FARS2: variants seen among roughly 807,000 people sequenced by gnomAD.
The protein encoded by FARS2 is phenylalanyl-tRNA synthetase 2, mitochondrial, also known as phenylalanine--tRNA ligase, mitochondrial.
In FARS2, 40 loss-of-function variants were observed where a neutral mutation model predicts 46.4. The observed-to-expected ratio is 0.86, with a 90% confidence interval of 0.67 to 1.12. The LOEUF (loss-of-function observed/expected upper bound fraction) is 1.12, where lower values mean the gene tolerates loss of function less well. FARS2 is among the 50% of genes most tolerant of loss of function. The pLI, the probability that FARS2 is intolerant of heterozygous loss-of-function variation, is 0.00. For missense variants in FARS2, 513 were observed against 567.9 expected (o/e 0.90, Z 0.98); for synonymous variants, 234 against 214.9 (o/e 1.09, Z -0.78).
rs1253564748 is a variant in FARS2, at chr6:5,399,777, T to A, written c.613-4765T>A. ...TTTATTTATCAGGATGTCTTGAAAATCATTCCATATCAGTCCAGAGAGATC... is the reference window on the plus strand; with the variant it reads ...TTTATTTATCAGGATGTCTTGAAAAACATTCCATATCAGTCCAGAGAGATC... On this transcript the variant is annotated intron_variant, in intron 2 of 6. Transcript: ENST00000274680. 3.3e-5 allele frequency among the ~76,000 whole-genome samples: 5 copies of A among 152,182 alleles called. No individual in the cohort carries two copies. The South Asian group carries it at 8.3e-4, about 25-fold the overall frequency.
chr6:5,297,505 G>A (rs575503972), intron 1 of FARS2, among the ~76,000 whole-genome samples: 5 of 152,146 alleles, frequency 3.3e-5, no homozygotes, highest in Middle Eastern at 3.4e-3. Flanking sequence ...AAAATTAGCC[G>A]GCTGTGGTGG....
At chr6:5,539,504 T>G (rs1770477735) in intron 4 of FARS2, among the ~76,000 whole-genome samples, 1 of 151,486 alleles carries the variant, frequency 6.6e-6, no homozygotes, top group South Asian at 2.1e-4. Context: ...AGTGCTAGGA[T>G]TACAGGTGTG....
rs1778488410 is a variant in FARS2 at position 5,671,941 on chromosome 6, T to C, written c.1217+58621T>C. The stretch of plus-strand genomic sequence containing the variant: ...GCCAGGAGAGGAAACACAATTCCGA[T>C]CATCGTGAGGAACGTGCATTTGCGG... On this transcript the variant is annotated intron_variant, in intron 6 of 6. Coordinates refer to ENST00000274680, the MANE Select transcript of FARS2 (RefSeq NM_006567.5). 2.0e-5 allele frequency among the ~76,000 whole-genome samples: 3 copies of C among 152,174 alleles called. No homozygotes were observed. In the South Asian group the frequency reaches 6.2e-4, roughly 32 times the overall value.
chr6:5,597,049 G>C (rs1352662692), intron 5 of FARS2, among the ~76,000 whole-genome samples: 1 of 152,216 alleles, frequency 6.6e-6, no homozygotes, highest in Non-Finnish European at 1.5e-5. Flanking sequence ...GATGCAGAAA[G>C]CTGGCAGTTT....
intron 3 of FARS2, among the ~76,000 whole-genome samples, chr6:5,414,561 C>G (rs1460573799): frequency 6.6e-6 from 1 of 152,130 alleles, no homozygotes; most frequent in East Asian, 1.9e-4. Context: ...TTTTGAGATT[C>G]ATGCATTTTG....
intron 2 of FARS2, among the ~76,000 whole-genome samples, chr6:5,385,659 C>T (rs968955667): frequency 6.6e-6 from 1 of 152,060 alleles, no homozygotes; most frequent in African/African-American, 2.4e-5. Context: ...CTCTTGACCT[C>T]GTGGTCTGTC....
intron 1 of FARS2, among the ~76,000 whole-genome samples, chr6:5,341,233 A>ATTTTTTTTTTT (rs1561970169): frequency 1.5e-4 from 1 of 6,708 alleles, no homozygotes; most frequent in African/African-American, 3.5e-4. Context: ...ATATATATAT[A>ATTTTTTTTTTT]TATTTTTTTT....
At chr6:5,749,373 A>T (rs1465120419) in intron 6 of FARS2, among the ~76,000 whole-genome samples, 1 of 152,140 alleles carries the variant, frequency 6.6e-6, no homozygotes, top group African/African-American at 2.4e-5. Flanking sequence ...TGTGGTGGGG[A>T]TTGGAAGAAG....
intron 4 of FARS2, among the ~76,000 whole-genome samples, chr6:5,539,929 C>T (rs1770515138): frequency 6.6e-6 from 1 of 152,170 alleles, no homozygotes; most frequent in Non-Finnish European, 1.5e-5. Flanking sequence ...CACCCTGCTC[C>T]ATTCAGAAGA....
intron 5 of FARS2, among the ~76,000 whole-genome samples, chr6:5,606,184 G>C (rs1546856): frequency 0.29 from 42,916 of 150,538 alleles, 6,591 homozygotes; most frequent in African/African-American, 0.39. Context: ...TGAGAGCGCT[G>C]TCAGAGTACT....
chr6:5,344,352 G>A (rs1412150968), intron 1 of FARS2, among the ~76,000 whole-genome samples: 1 of 152,206 alleles, frequency 6.6e-6, no homozygotes, highest in Non-Finnish European at 1.5e-5. Context: ...CCTGAAGGAA[G>A]GCCCTGACGT....
At chr6:5,706,490 ACTT>A (rs1325521544) in intron 6 of FARS2, among the ~76,000 whole-genome samples, 1 of 152,062 alleles carries the variant, frequency 6.6e-6, no homozygotes, top group Non-Finnish European at 1.5e-5. Flanking sequence ...AGCATTGCTG[ACTT>A]CTTATGGACT....
At chr6:5,741,967 T>C (rs1479873804) in intron 6 of FARS2, among the ~76,000 whole-genome samples, 1 of 152,208 alleles carries the variant, frequency 6.6e-6, no homozygotes, top group Non-Finnish European at 1.5e-5. Context: ...TTCTCTTTAG[T>C]TATCAGGGCC....
intron 6 of FARS2, among the ~76,000 whole-genome samples, chr6:5,632,400 T>A (rs1188176049): frequency 3.3e-5 from 5 of 152,172 alleles, no homozygotes; most frequent in South Asian, 4.1e-4. Flanking sequence ...TCTTTTTTTT[T>A]AAATGAGATG....
chr6:5,749,392 C>T lies in FARS2; in HGVS notation c.1218-21899C>T, dbSNP rs1329908523. Among the ~76,000 whole-genome samples the T allele has an allele frequency of 2.0e-5, 3 of 152,220 alleles. No individual in the cohort carries two copies. The East Asian group carries it at 5.8e-4, about 29-fold the overall frequency. On this transcript the variant is annotated intron_variant, in intron 6 of 6. Coordinates refer to ENST00000274680, the MANE Select transcript of FARS2 (RefSeq NM_006567.5). ...GTGGGGATTGGAAGAAGGCTGCAGT[C>T]AGGGTGGGGAGGACCAGAAACAGAG...
chr6:5,593,400 G>A (rs1359540794), intron 5 of FARS2, among the ~76,000 whole-genome samples: 1 of 152,106 alleles, frequency 6.6e-6, no homozygotes, highest in Non-Finnish European at 1.5e-5. Flanking sequence ...ACCTGTAAGA[G>A]AAGGTGCAGC....
At chr6:5,676,386 T>G (rs938879011) in intron 6 of FARS2, among the ~76,000 whole-genome samples, 1 of 152,226 alleles carries the variant, frequency 6.6e-6, no homozygotes, top group African/African-American at 2.4e-5. Context: ...TGGATACATA[T>G]TTGCAAATTT....
At chr6:5,603,080 AG>A (rs779597663) in intron 5 of FARS2, among the ~76,000 whole-genome samples, 6 of 152,082 alleles carry the variant, frequency 3.9e-5, no homozygotes, top group Non-Finnish European at 7.4e-5. Flanking sequence ...TAAAGATACA[AG>A]GGGCCACTCT....
chr6:5,741,498 G>T (rs9504503), intron 6 of FARS2, among the ~76,000 whole-genome samples: 51,118 of 152,060 alleles, frequency 0.34, 13,367 homozygotes, highest in African/African-American at 0.72. Context: ...ATGGTTCAGC[G>T]GGTGTTACCA....
Sources: allele counts gnomAD v4.1 joint callset (sites outside exome capture counted in the v4.1 genomes callset), GRCh38; gene constraint gnomAD v4.1.1; transcripts MANE v1.5; gene names NCBI Gene and HGNC (gene_info 2026-07-23, HGNC 2026-07-21).